Variants in CSMD1 observed in about 807,000 individuals in gnomAD.
The protein encoded by CSMD1 is CUB and Sushi multiple domains 1.
A neutral mutation model predicts 417.5 loss-of-function variants in CSMD1; 213 were observed. The ratio of observed to expected loss-of-function variants is 0.51; its 90% CI spans 0.46 to 0.57. CSMD1 has a LOEUF of 0.57. CSMD1 is among the 20% of genes least tolerant of loss of function. CSMD1 has a pLI of 0.00. For synonymous variants in CSMD1, 2,862 were observed against 1,736.8 expected, an observed-to-expected ratio of 1.65 and a Z score of -16.11; for missense variants, 6,923 against 4,529.7, an observed-to-expected ratio of 1.53 and a Z score of -15.17.
chr8:4,104,748 A>C (rs1366316718), intron 3 of CSMD1, among the ~76,000 whole-genome samples: 1 of 152,296 alleles, frequency 6.6e-6, no homozygotes, highest in Middle Eastern at 3.4e-3. Flanking sequence ...GCCCGGGGAA[A>C]AGCACAATCC....
intron 3 of CSMD1, among the ~76,000 whole-genome samples, chr8:4,051,039 T>C (rs986127479): frequency 4.2e-4 from 64 of 152,148 alleles, no homozygotes; most frequent in African/African-American, 1.5e-3. Context: ...CCCAACATGA[T>C]GCCTGAAATC....
intron 3 of CSMD1, among the ~76,000 whole-genome samples, chr8:4,328,928 C>T (rs753638465): frequency 1.3e-4 from 20 of 152,164 alleles, no homozygotes; most frequent in African/African-American, 2.4e-4. Flanking sequence ...TTTGCATTCG[C>T]TGTTTTTGCA....
intron 12 of CSMD1, among the ~76,000 whole-genome samples, chr8:3,437,829 C>G (rs1197939365): frequency 6.6e-6 from 1 of 151,706 alleles, no homozygotes; most frequent in Non-Finnish European, 1.5e-5. Context: ...CTCACTGCAA[C>G]CTCAGCCTCC....
intron 37 of CSMD1, among the ~76,000 whole-genome samples, chr8:3,176,645 A>G (rs1446344075): frequency 1.3e-5 from 2 of 152,234 alleles, no homozygotes; most frequent in Non-Finnish European, 2.9e-5. Context: ...TCTGCAAAAA[A>G]GAACATCCCT....
At chr8:3,870,347 A>G (rs1474141725) in intron 5 of CSMD1, among the ~76,000 whole-genome samples, 1 of 152,172 alleles carries the variant, frequency 6.6e-6, no homozygotes, top group African/African-American at 2.4e-5. Flanking sequence ...TTTGTAGCAC[A>G]TATGTAAAAA....
intron 3 of CSMD1, among the ~76,000 whole-genome samples, chr8:4,374,360 G>C (rs966734453): frequency 2.6e-5 from 4 of 152,116 alleles, no homozygotes; most frequent in African/African-American, 9.7e-5. Context: ...TCTGATTATA[G>C]GTGTCAGGGG....
chr8:4,767,734 G>C (rs1438355152), intron 1 of CSMD1, among the ~76,000 whole-genome samples: 1 of 152,112 alleles, frequency 6.6e-6, no homozygotes, highest in Non-Finnish European at 1.5e-5. Flanking sequence ...CTGTGCTCAG[G>C]CTTGATTTTG....
rs1410054264 is a variant in CSMD1, at chr8:4,458,336, A to C, written c.303-38271T>G. Among the ~76,000 whole-genome samples, 4 of 152,284 alleles carry C rather than the reference A, an allele frequency of 2.6e-5. No individual in the cohort carries two copies. In the South Asian group the frequency reaches 8.3e-4, roughly 32 times the overall value. ...GTGCGCACAAGGGATCGATTAGCTG[A>C]AAGTTATATCAGTAATCATAATAAT... On this transcript the variant is annotated intron_variant, in intron 2 of 69. Coordinates refer to ENST00000635120, the MANE Select transcript of CSMD1 (RefSeq NM_033225.6).
At chr8:3,928,056 T>G (rs1809872973) in intron 5 of CSMD1, among the ~76,000 whole-genome samples, 1 of 152,146 alleles carries the variant, frequency 6.6e-6, no homozygotes, top group African/African-American at 2.4e-5. Context: ...TTTTCTTAAA[T>G]TTCCCCACTT....
At chr8:3,091,267 C>G (rs952679765) in intron 48 of CSMD1, among the ~76,000 whole-genome samples, 4 of 151,776 alleles carry the variant, frequency 2.6e-5, no homozygotes, top group Admixed American at 1.3e-4. Flanking sequence ...AATGTCTTTG[C>G]TTTCTATAAT....
chr8:3,441,502 TATATATATAC>T (rs1814982653), intron 12 of CSMD1, among the ~76,000 whole-genome samples: 1 of 108,158 alleles, frequency 9.2e-6, no homozygotes, highest in Admixed American at 1.0e-4. Context: ...CATATATATA[TATATATATAC>T]ACACACACAC....
At chr8:4,522,142 C>T (rs1198999975) in intron 2 of CSMD1, among the ~76,000 whole-genome samples, 1 of 152,066 alleles carries the variant, frequency 6.6e-6, no homozygotes, top group Non-Finnish European at 1.5e-5. Context: ...ACTATGGAGG[C>T]AAGTCTTTCC....
chr8:4,784,819 G>C (rs1797316861), intron 1 of CSMD1, among the ~76,000 whole-genome samples: 1 of 152,136 alleles, frequency 6.6e-6, no homozygotes, highest in Non-Finnish European at 1.5e-5. Flanking sequence ...AAGCATTGTG[G>C]GTTGGCAGGA....
At chr8:3,619,298 T>C (rs900229) in intron 7 of CSMD1, among the ~76,000 whole-genome samples, 80,135 of 151,056 alleles carry the variant, frequency 0.53, 20,950 homozygotes, top group Middle Eastern at 0.63. Context: ...GATCTCAACG[T>C]TCAGAGGCCC....
intron 12 of CSMD1, among the ~76,000 whole-genome samples, chr8:3,415,450 C>T (rs149744903): frequency 0.019 from 2,852 of 152,272 alleles, 57 homozygotes; most frequent in East Asian, 0.097. Context: ...CTCTACCTCC[C>T]GGATTCAAGA....
intron 5 of CSMD1, among the ~76,000 whole-genome samples, chr8:3,847,210 T>G (rs1803566551): frequency 6.6e-6 from 1 of 152,142 alleles, no homozygotes; most frequent in Non-Finnish European, 1.5e-5. Context: ...TACCATTATG[T>G]TACATTACAG....
chr8:3,770,502 C>A (rs1329623486), intron 5 of CSMD1, among the ~76,000 whole-genome samples: 1 of 152,128 alleles, frequency 6.6e-6, no homozygotes, highest in African/African-American at 2.4e-5. Flanking sequence ...GCACCCCAGC[C>A]TGGGCAACAA....
intron 5 of CSMD1, among the ~76,000 whole-genome samples, chr8:3,881,750 G>T (rs762010470): frequency 6.6e-6 from 1 of 151,906 alleles, no homozygotes; most frequent in Non-Finnish European, 1.5e-5. Flanking sequence ...ATTTACTCCA[G>T]AAATTAATTA....
intron 5 of CSMD1, among the ~76,000 whole-genome samples, chr8:3,924,690 G>A (rs368258446): frequency 6.6e-6 from 1 of 151,812 alleles, no homozygotes; most frequent in Admixed American, 6.6e-5. Flanking sequence ...GTTCTCTTTA[G>A]CTCCAGATTT....
Sources: gnomAD v4.1 joint callset for allele counts (sites outside exome capture counted in the v4.1 genomes callset) on GRCh38, gnomAD v4.1.1 for gene constraint, MANE v1.5 for transcripts, NCBI Gene and HGNC (gene_info 2026-07-23, HGNC 2026-07-21) for gene names.